The following APBA1 variants were observed in gnomAD, a reference collection of about 807,000 sequenced individuals.
The protein encoded by APBA1 is amyloid beta precursor protein binding family A member 1.
APBA1 carries 55 observed loss-of-function variants against 86.6 expected under a neutral mutation model. That is an observed-to-expected ratio of 0.64 (90% CI 0.51 to 0.80). The LOEUF (loss-of-function observed/expected upper bound fraction) is 0.80, where lower values mean the gene tolerates loss of function less well. Ranked by LOEUF, APBA1 falls within the 30% of genes least tolerant of loss-of-function variation. APBA1 has a pLI of 0.00. For missense variants in APBA1, 1,090 were observed against 1,183.0 expected, an observed-to-expected ratio of 0.92 and a Z score of 1.15; for synonymous variants, 511 against 493.9, an observed-to-expected ratio of 1.03 and a Z score of -0.46.
intron 11 of APBA1, among the ~76,000 whole-genome samples, chr9:69,439,076 A>ATTCTT (rs1176456493): frequency 2.3e-5 from 1 of 43,776 alleles, no homozygotes; most frequent in East Asian, 4.3e-4. Flanking sequence ...TGGCTTGAAA[A>ATTCTT]TTCTTTTCTT....
At chr9:69,451,926 C>T (rs1475051746) in intron 9 of APBA1, among the ~76,000 whole-genome samples, 196 bp downstream of exon 9, 1 of 152,208 alleles carries the variant, frequency 6.6e-6, no homozygotes, top group East Asian at 1.9e-4. Flanking sequence ...TCTCTGTTTA[C>T]ACCTGTCCAC....
At chr9:69,614,019 T>C (rs1170546658) in intron 1 of APBA1, among the ~76,000 whole-genome samples, 1 of 152,222 alleles carries the variant, frequency 6.6e-6, no homozygotes, top group African/African-American at 2.4e-5. Context: ...TAATTTCCTT[T>C]GTAGTCTTTA....
intron 8 of APBA1, 103 bp from the exon 9 acceptor site, chr9:69,452,404 G>A: frequency 1.7e-6 from 2 of 1,181,678 alleles, no homozygotes; most frequent in Non-Finnish European, 2.4e-6. Flanking sequence ...GGAGTCTGAG[G>A]AAACCCTAGA....
At chr9:69,487,766 G>GA (rs1466749459) in intron 2 of APBA1, among the ~76,000 whole-genome samples, 1 of 151,906 alleles carries the variant, frequency 6.6e-6, no homozygotes, top group Non-Finnish European at 1.5e-5. Flanking sequence ...ACCAGAAGCA[G>GA]CCCCTCCAAC....
chr9:69,549,692 G>A (rs572746252), intron 1 of APBA1, among the ~76,000 whole-genome samples: 5 of 152,104 alleles, frequency 3.3e-5, no homozygotes, highest in Admixed American at 6.5e-5. Flanking sequence ...TCAATCAATA[G>A]TTATAAAGTG....
intron 1 of APBA1, among the ~76,000 whole-genome samples, chr9:69,633,996 C>T (rs1168662509): frequency 3.9e-5 from 6 of 152,196 alleles, no homozygotes. Flanking sequence ...GAATAGAAGC[C>T]TTCACTGATC....
chr9:69,503,235 A>G (rs970269676), intron 2 of APBA1, among the ~76,000 whole-genome samples: 2 of 152,048 alleles, frequency 1.3e-5, no homozygotes, highest in Admixed American at 1.3e-4. Flanking sequence ...ACTCTTGCAT[A>G]TTTTTCAATT....
At chr9:69,583,946 T>C (rs1821967879) in intron 1 of APBA1, among the ~76,000 whole-genome samples, 1 of 152,224 alleles carries the variant, frequency 6.6e-6, no homozygotes, top group South Asian at 2.1e-4. Context: ...GTAAAGTGCT[T>C]AGCACAGTGT....
At chr9:69,465,158 A>G (rs1035505911) in intron 5 of APBA1, 3 of 152,162 alleles carry the variant, frequency 2.0e-5, no homozygotes, top group African/African-American at 7.2e-5. Context: ...TAGGGTCTTG[A>G]GCACACCTGG....
chr9:69,603,532 A>T (rs534204839), intron 1 of APBA1, among the ~76,000 whole-genome samples: 6 of 152,378 alleles, frequency 3.9e-5, no homozygotes, highest in African/African-American at 1.4e-4. Context: ...AATCCCTAAG[A>T]GAGATAGTAC....
intron 1 of APBA1, among the ~76,000 whole-genome samples, chr9:69,569,695 T>C (rs192877886): frequency 2.0e-5 from 3 of 152,330 alleles, no homozygotes; most frequent in Admixed American, 2.0e-4. Context: ...GAAAACTTTG[T>C]CTGCAAGACT....
chr9:69,546,411 G>A (rs893764749), intron 1 of APBA1, among the ~76,000 whole-genome samples: 3 of 152,136 alleles, frequency 2.0e-5, no homozygotes, highest in African/African-American at 7.2e-5. Context: ...GACTCTGCCT[G>A]AGCTGCCATG....
intron 1 of APBA1, among the ~76,000 whole-genome samples, chr9:69,597,610 T>C (rs1822255160): frequency 6.6e-6 from 1 of 152,244 alleles, no homozygotes; most frequent in Non-Finnish European, 1.5e-5. Context: ...TGAATGGTAA[T>C]GCCTAGGTTT....
chr9:69,612,362 C>A (rs1040300872), intron 1 of APBA1, among the ~76,000 whole-genome samples: 9 of 151,878 alleles, frequency 5.9e-5, no homozygotes, highest in African/African-American at 2.2e-4. Flanking sequence ...TGAACTTTTC[C>A]TGTGATCTGA....
At position 69,437,122 on chromosome 9, in the gene APBA1, G is replaced by A. The variant is rs536289554; in HGVS notation, c.2301+3874C>T. ...TGAACCAGCCTTGCATCCCAGGGAT[G>A]AAGCCCACTTGATCATGGTGGATAA... On this transcript the variant is annotated intron_variant, in intron 11 of 12. Transcript: ENST00000265381. Among the ~76,000 whole-genome samples, 726 of 151,952 alleles carry A rather than the reference G, an allele frequency of 4.8e-3. 4 individuals are homozygous for A. The highest frequency in any genetic ancestry group is 0.017 in the Middle Eastern group (5 of 294).
At chr9:69,483,966 G>C (rs1034443912) in intron 2 of APBA1, among the ~76,000 whole-genome samples, 2 of 152,106 alleles carry the variant, frequency 1.3e-5, no homozygotes, top group African/African-American at 2.4e-5. Flanking sequence ...ATGTAGTAAA[G>C]TCTTCATGAG....
rs114127987 is a variant in APBA1, at chr9:69,578,571, A to C, written c.-69-61292T>G. 7.8e-3 allele frequency among the ~76,000 whole-genome samples: 1,191 copies of C among 152,326 alleles called. 15 individuals are homozygous for C. Among genetic ancestry groups the C allele is most frequent in the African/African-American group, 0.027 (1,131 of 41,562 alleles). ...ATGTTTTACAGACTTTAAATTAAAA[A>C]ATCACGGTTTCTCAAAACAATTTTA... On this transcript the variant is annotated intron_variant, in intron 1 of 12. Transcript: ENST00000265381.
At chr9:69,629,670 T>C (rs1362439223) in intron 1 of APBA1, among the ~76,000 whole-genome samples, 1 of 152,196 alleles carries the variant, frequency 6.6e-6, no homozygotes, top group Non-Finnish European at 1.5e-5. Flanking sequence ...TTAGGGGATA[T>C]AACCATCAGT....
intron 6 of APBA1, 31 bp downstream of exon 6, chr9:69,458,125 C>T: frequency 6.3e-7 from 1 of 1,590,640 alleles, no homozygotes; most frequent in South Asian, 1.2e-5. Context: ...ACAGGCATAA[C>T]ACCAAGCTGA....
Sources: allele counts gnomAD v4.1 joint callset (sites outside exome capture counted in the v4.1 genomes callset), GRCh38; gene constraint gnomAD v4.1.1; transcripts MANE v1.5; gene names NCBI Gene and HGNC (gene_info 2026-07-23, HGNC 2026-07-21).